The following KCNB2 variants were observed in gnomAD, a reference collection of about 807,000 sequenced individuals.
The protein encoded by KCNB2 is delayed rectifier potassium channel protein.
KCNB2 carries 15 observed loss-of-function variants against 61.5 expected under a neutral mutation model. The ratio of observed to expected loss-of-function variants is 0.24; its 90% CI spans 0.16 to 0.38. The LOEUF is 0.38. Ranked by LOEUF, KCNB2 falls within the 10% of genes least tolerant of loss-of-function variation. KCNB2 has a pLI of 1.00. For synonymous variants in KCNB2, 457 were observed against 446.0 expected, an observed-to-expected ratio of 1.02 and a Z score of -0.31; for missense variants, 828 against 1,125.2, an observed-to-expected ratio of 0.74 and a Z score of 3.78.
intron 2 of KCNB2, among the ~76,000 whole-genome samples, chr8:72,725,576 T>C (rs1306319909): frequency 8.9e-4 from 81 of 90,894 alleles, no homozygotes; most frequent in Non-Finnish European, 6.8e-4. Context: ...TATATATATG[T>C]ATATATATAT....
At chr8:72,799,108 G>A (rs1201439699) in intron 2 of KCNB2, among the ~76,000 whole-genome samples, 1 of 152,078 alleles carries the variant, frequency 6.6e-6, no homozygotes, top group Admixed American at 6.6e-5. Flanking sequence ...CCTGTGTGAA[G>A]ACCACATGAG....
At chr8:72,743,984 A>G (rs1266725298) in intron 2 of KCNB2, among the ~76,000 whole-genome samples, 16 of 152,224 alleles carry the variant, frequency 1.1e-4, no homozygotes, top group Non-Finnish European at 1.5e-5. Context: ...CAATTTCTTT[A>G]TCAGATTTTG....
intron 2 of KCNB2, among the ~76,000 whole-genome samples, chr8:72,801,812 AGGGCTAT>A (rs1809135455): frequency 5.9e-5 from 9 of 152,006 alleles, no homozygotes; most frequent in Admixed American, 5.9e-4. Context: ...GGACTAAAAG[AGGGCTAT>A]GTGACAGAAA....
intron 2 of KCNB2, among the ~76,000 whole-genome samples, chr8:72,597,388 A>T (rs1376128082): frequency 6.6e-6 from 1 of 152,156 alleles, no homozygotes; most frequent in Non-Finnish European, 1.5e-5. Flanking sequence ...AGGAATATGA[A>T]AGTCTGGAGT....
chr8:72,731,044 T>C (rs1030129801), intron 2 of KCNB2, among the ~76,000 whole-genome samples: 4 of 152,142 alleles, frequency 2.6e-5, no homozygotes, highest in African/African-American at 9.7e-5. Flanking sequence ...TAGGAAATGA[T>C]TGCTGGATGT....
chr8:72,763,410 T>C (rs1423013982), intron 2 of KCNB2, among the ~76,000 whole-genome samples: 2 of 152,116 alleles, frequency 1.3e-5, no homozygotes, highest in Admixed American at 1.3e-4. Flanking sequence ...TATCTCTGGC[T>C]ACATGTTGAC....
intron 2 of KCNB2, among the ~76,000 whole-genome samples, chr8:72,846,482 G>C (rs1166855744): frequency 2.6e-5 from 4 of 152,006 alleles, no homozygotes; most frequent in South Asian, 2.1e-4. Context: ...GCAACCTATA[G>C]AGTGGGAGAA....
intron 2 of KCNB2, among the ~76,000 whole-genome samples, chr8:72,870,023 C>T (rs1399484228): frequency 6.6e-6 from 1 of 152,186 alleles, no homozygotes; most frequent in Non-Finnish European, 1.5e-5. Flanking sequence ...AAAAGGAAAT[C>T]TTACCATATG....
intron 2 of KCNB2, among the ~76,000 whole-genome samples, chr8:72,857,394 A>G (rs1474458571): frequency 1.3e-5 from 2 of 152,184 alleles, no homozygotes; most frequent in African/African-American, 4.8e-5. Flanking sequence ...GCATATAGTT[A>G]TCTTGGCTTC....
chr8:72,772,534 G>A (rs1808578000), intron 2 of KCNB2, among the ~76,000 whole-genome samples: 1 of 152,210 alleles, frequency 6.6e-6, no homozygotes, highest in African/African-American at 2.4e-5. Context: ...CAGAGCTTCT[G>A]TTTTGCTGTT....
chr8:72,823,266 A>G lies in KCNB2; in HGVS notation c.580-112669A>G, dbSNP rs565205331. ...AAGCCACCATGAGTCATGCTGTGCA[A>G]TTTTGAGTACCTTGAGAACAGGTGA... On this transcript the variant is annotated intron_variant, in intron 2 of 2. Transcript: ENST00000523207. Among the ~76,000 whole-genome samples, 28 of 152,260 alleles carry G rather than the reference A, an allele frequency of 1.8e-4. 1 individual carries two copies. The South Asian group carries it at 5.6e-3, about 30-fold the overall frequency.
intron 2 of KCNB2, among the ~76,000 whole-genome samples, chr8:72,756,580 A>G (rs919317157): frequency 4.6e-5 from 7 of 152,224 alleles, no homozygotes; most frequent in African/African-American, 7.2e-5. Flanking sequence ...ATTTTTCTAA[A>G]GCTTCCTAAT....
chr8:72,640,243 C>T (rs13263577), intron 2 of KCNB2, among the ~76,000 whole-genome samples: 61,413 of 151,952 alleles, frequency 0.4, 14,165 homozygotes, highest in Non-Finnish European at 0.52. Context: ...TCCCATAAGA[C>T]AGCAGCTTCT....
intron 2 of KCNB2, among the ~76,000 whole-genome samples, chr8:72,917,385 G>T (rs2129007933): frequency 1.0e-5 from 1 of 99,342 alleles, no homozygotes; most frequent in East Asian, 2.0e-4. Flanking sequence ...ATAATGTTCA[G>T]ATGTTTTAAA....
At chr8:72,728,811 T>C (rs1344661916) in intron 2 of KCNB2, among the ~76,000 whole-genome samples, 1 of 152,132 alleles carries the variant, frequency 6.6e-6, no homozygotes, top group East Asian at 1.9e-4. Flanking sequence ...ACACAGGGTA[T>C]TGCAAAAAGA....
chr8:72,801,756 G>A (rs1350745345), intron 2 of KCNB2, among the ~76,000 whole-genome samples: 1 of 151,960 alleles, frequency 6.6e-6, no homozygotes, highest in Non-Finnish European at 1.5e-5. Context: ...TGTCTGCAAA[G>A]AGGTGGCCTG....
intron 2 of KCNB2, among the ~76,000 whole-genome samples, chr8:72,859,712 T>G (rs1207729560): frequency 7.7e-6 from 1 of 130,438 alleles, no homozygotes; most frequent in East Asian, 2.2e-4. Context: ...ATTTCGTTTT[T>G]TTTTTTTTTT....
At chr8:72,892,773 T>C (rs1412735571) in intron 2 of KCNB2, among the ~76,000 whole-genome samples, 4 of 152,202 alleles carry the variant, frequency 2.6e-5, no homozygotes, top group Admixed American at 6.5e-5. Context: ...TTCTAAATCC[T>C]CTATGAAAAC....
intron 2 of KCNB2, among the ~76,000 whole-genome samples, chr8:72,829,103 C>A (rs1188346092): frequency 6.6e-6 from 1 of 152,048 alleles, no homozygotes; most frequent in Non-Finnish European, 1.5e-5. Flanking sequence ...CCCCCAAAGC[C>A]AAAATTATAT....
Sources: gnomAD v4.1 joint callset for allele counts (sites outside exome capture counted in the v4.1 genomes callset) on GRCh38, gnomAD v4.1.1 for gene constraint, MANE v1.5 for transcripts, NCBI Gene and HGNC (gene_info 2026-07-23, HGNC 2026-07-21) for gene names.